UBXN2A: variants seen among roughly 807,000 people sequenced by gnomAD.
The protein encoded by UBXN2A is UBX domain-containing protein 2A.
In UBXN2A, 28 loss-of-function variants were observed where a neutral mutation model predicts 28.4. That is an observed-to-expected ratio of 0.99 (90% CI 0.73 to 1.35). The LOEUF is 1.35. Ranked by LOEUF, UBXN2A falls within the 40% of genes most tolerant of loss-of-function variation. The pLI is 0.00. For missense variants in UBXN2A, 253 were observed against 297.9 expected (o/e 0.85, Z 1.11); for synonymous variants, 97 against 103.6 (o/e 0.94, Z 0.39).
At chr2:23,999,071 C>T (rs373623876) in intron 6 of UBXN2A, among the ~76,000 whole-genome samples, 6 of 152,220 alleles carry the variant, frequency 3.9e-5, no homozygotes, top group East Asian at 1.9e-4. Context: ...TAAAGTGGCA[C>T]GTAGTGAATT....
At chr2:23,999,571 T>C (rs1305318188) in intron 6 of UBXN2A, 101 bp from the exon 7 acceptor site, 4 of 1,299,296 alleles carry the variant, frequency 3.1e-6, no homozygotes, top group East Asian at 2.5e-5. Flanking sequence ...ACGCTATCTC[T>C]AATAATAACA....
In UBXN2A at chr2:23,971,315, TAATC is replaced by T; in HGVS notation, c.84_87del (p.Gln29AsnfsTer32). 1 of 1,573,312 alleles carries T rather than the reference TAATC, an allele frequency of 6.4e-7. No individual in the cohort carries two copies. The highest frequency in any genetic ancestry group is 8.7e-7 in the Non-Finnish European group (1 of 1,150,710). On this transcript the variant is annotated frameshift_variant, in exon 3 of 7. Coordinates refer to ENST00000309033, the MANE Select transcript of UBXN2A (RefSeq NM_181713.4). LOFTEE classifies it high-confidence loss of function. ...GATCTGATAATCAACCTCTTGGTAA[TAATC>T]AACAATCAAATTGTGAATATTTTGT...
At chr2:23,931,602 T>A (rs564373752) in intron 1 of UBXN2A, among the ~76,000 whole-genome samples, 110 of 151,858 alleles carry the variant, frequency 7.2e-4, no homozygotes, top group Middle Eastern at 3.5e-3. Flanking sequence ...TAAGGAATGC[T>A]CAGATCAAAA....
chr2:23,968,079 C>T (rs1196428429), intron 2 of UBXN2A, among the ~76,000 whole-genome samples: 1 of 152,088 alleles, frequency 6.6e-6, no homozygotes, highest in Non-Finnish European at 1.5e-5. Flanking sequence ...CAGACGTGCA[C>T]CACCACGCCA....
At chr2:23,976,870 C>T (rs1707685882) in intron 3 of UBXN2A, 99 bp from the exon 4 acceptor site, 2 of 951,510 alleles carry the variant, frequency 2.1e-6, no homozygotes, top group Non-Finnish European at 3.2e-6. Flanking sequence ...AGTGAACCAC[C>T]CCACCCGGCC....
chr2:23,971,207 T>A, intron 2 of UBXN2A, 69 bp from the exon 3 acceptor site: 1 of 1,423,286 alleles, frequency 7.0e-7, no homozygotes, highest in Admixed American at 2.2e-5. Flanking sequence ...TATCCTTAAC[T>A]AGAACAAAAT....
At chr2:23,967,121 T>TTCCAC (rs551996010) in intron 2 of UBXN2A, among the ~76,000 whole-genome samples, 7 of 151,990 alleles carry the variant, frequency 4.6e-5, no homozygotes, top group African/African-American at 1.4e-4. Flanking sequence ...TACTATACAT[T>TTCCAC]TCCACTCCAC....
At chr2:23,971,564 C>A in intron 3 of UBXN2A, 150 bp downstream of exon 3, 1 of 835,716 alleles carries the variant, frequency 1.2e-6, no homozygotes, top group Non-Finnish European at 1.7e-6. Flanking sequence ...TCTTAGCCCA[C>A]TGCAACCTCA....
intron 1 of UBXN2A, among the ~76,000 whole-genome samples, chr2:23,941,185 A>G (rs1247994590): frequency 1.3e-5 from 2 of 152,114 alleles, no homozygotes; most frequent in Non-Finnish European, 2.9e-5. Context: ...CTTGTCAGCA[A>G]TGATGAATGT....
chr2:23,928,883 G>C (rs1705273104), intron 1 of UBXN2A, among the ~76,000 whole-genome samples: 1 of 152,154 alleles, frequency 6.6e-6, no homozygotes, highest in African/African-American at 2.4e-5. Flanking sequence ...GCCACTTAGA[G>C]TTGATGTCTT....
At chr2:23,994,435 T>C (rs1389536824) in intron 6 of UBXN2A, among the ~76,000 whole-genome samples, 1 of 152,228 alleles carries the variant, frequency 6.6e-6, no homozygotes, top group Non-Finnish European at 1.5e-5. Flanking sequence ...TTTATTTACA[T>C]GTATGTTAGA....
intron 2 of UBXN2A, among the ~76,000 whole-genome samples, chr2:23,970,246 T>C (rs1407003287): frequency 6.6e-6 from 1 of 152,136 alleles, no homozygotes; most frequent in Non-Finnish European, 1.5e-5. Context: ...ATTGCGCCAC[T>C]CCACTCCAGC....
intron 1 of UBXN2A, among the ~76,000 whole-genome samples, chr2:23,930,102 A>G (rs1323449275): frequency 6.6e-6 from 1 of 152,046 alleles, no homozygotes; most frequent in Non-Finnish European, 1.5e-5. Flanking sequence ...ATTAGCCAGG[A>G]TGGTCTTGAT....
chr2:23,951,563 C>T (rs538556227), intron 1 of UBXN2A, among the ~76,000 whole-genome samples: 5 of 151,506 alleles, frequency 3.3e-5, no homozygotes, highest in African/African-American at 9.7e-5. Flanking sequence ...AAGGTTCAAG[C>T]GATTCTCCTG....
chr2:23,996,424 ATTG>A (rs1163208832), intron 6 of UBXN2A, among the ~76,000 whole-genome samples: 9 of 141,778 alleles, frequency 6.3e-5, no homozygotes, highest in Non-Finnish European at 1.1e-4. Context: ...TTGCATTCCT[ATTG>A]TTGTTCAATT....
chr2:23,971,085 G>A (rs1260492479), intron 2 of UBXN2A, among the ~76,000 whole-genome samples, 191 bp from the exon 3 acceptor site: 1 of 152,168 alleles, frequency 6.6e-6, no homozygotes, highest in East Asian at 1.9e-4. Context: ...TAGTAGAGCT[G>A]AGGTTGAGAA....
chr2:23,943,245 G>A (rs764804949), intron 1 of UBXN2A, among the ~76,000 whole-genome samples: 8 of 152,070 alleles, frequency 5.3e-5, no homozygotes, highest in African/African-American at 1.7e-4. Flanking sequence ...GTGAGCCACC[G>A]TGCCTGGCCA....
chr2:23,954,137 C>G (rs796519490), intron 1 of UBXN2A, among the ~76,000 whole-genome samples: 1 of 152,134 alleles, frequency 6.6e-6, no homozygotes, highest in Non-Finnish European at 1.5e-5. Flanking sequence ...CTCAGCCTCC[C>G]GAGTAGCTGG....
At chr2:23,996,742 T>G (rs1708549616) in intron 6 of UBXN2A, 1 of 151,450 alleles carries the variant, frequency 6.6e-6, no homozygotes, top group Admixed American at 6.6e-5. Context: ...CCCAAAGTGC[T>G]GGGATCACAG....
Sources: allele counts gnomAD v4.1 joint callset (sites outside exome capture counted in the v4.1 genomes callset), GRCh38; gene constraint gnomAD v4.1.1; transcripts MANE v1.5; gene names NCBI Gene and HGNC (gene_info 2026-07-23, HGNC 2026-07-21).